Variants in KCNMB2 observed in about 807,000 individuals in gnomAD.
KCNMB2 encodes the protein calcium-activated potassium channel subunit beta-2.
KCNMB2 carries 9 observed loss-of-function variants against 24.5 expected under a neutral mutation model. The observed-to-expected ratio is 0.37, with a 90% CI of 0.22 to 0.64. KCNMB2 has a LOEUF of 0.64. Among genes scored for constraint, KCNMB2 ranks in the 30% least tolerant of loss-of-function variants. The probability of loss-of-function intolerance (pLI) is 0.63; values close to 1 mark genes in which losing one functional copy is unlikely to be tolerated. For missense variants in KCNMB2, 226 were observed against 284.3 expected (o/e 0.79, Z 1.47); for synonymous variants, 109 against 104.4 (o/e 1.04, Z -0.27).
At chr3:178,614,309 ATGTATGTG>A (rs1387249840) in intron 1 of KCNMB2, among the ~76,000 whole-genome samples, 48 of 116,240 alleles carry the variant, frequency 4.1e-4, no homozygotes, top group Middle Eastern at 4.4e-3. Flanking sequence ...ATGTATATAT[ATGTATGTG>A]TATATATATA....
chr3:178,674,604 A>C (rs1230218032), intron 1 of KCNMB2, among the ~76,000 whole-genome samples: 1 of 151,950 alleles, frequency 6.6e-6, no homozygotes, highest in East Asian at 1.9e-4. Flanking sequence ...CAATTATCTC[A>C]GGTCTCCCTG....
At chr3:178,611,623 T>C (rs1718487371) in intron 1 of KCNMB2, among the ~76,000 whole-genome samples, 1 of 152,126 alleles carries the variant, frequency 6.6e-6, no homozygotes, top group Admixed American at 6.5e-5. Flanking sequence ...GAGAATGGTG[T>C]GAACCCAGGA....
chr3:178,673,154 A>C (rs1424591379), intron 1 of KCNMB2, among the ~76,000 whole-genome samples: 1 of 151,972 alleles, frequency 6.6e-6, no homozygotes, highest in Non-Finnish European at 1.5e-5. Flanking sequence ...CTTATACTTC[A>C]TTACAATCAT....
At chr3:178,624,266 CT>C (rs1719025711) in intron 1 of KCNMB2, among the ~76,000 whole-genome samples, 1 of 138,212 alleles carries the variant, frequency 7.2e-6, no homozygotes, top group Admixed American at 7.1e-5. Flanking sequence ...TTTTTTTTGC[CT>C]TTTTCTGGAT....
intron 1 of KCNMB2, among the ~76,000 whole-genome samples, chr3:178,643,744 C>T (rs534060977): frequency 4.6e-4 from 70 of 152,296 alleles, no homozygotes; most frequent in African/African-American, 1.6e-3. Flanking sequence ...CTTAGGGACT[C>T]GCCCTGTTGT....
intron 1 of KCNMB2, among the ~76,000 whole-genome samples, chr3:178,785,458 C>T (rs1344268017): frequency 6.6e-6 from 1 of 151,746 alleles, no homozygotes; most frequent in East Asian, 1.9e-4. Flanking sequence ...GTATTACAAA[C>T]ATAATATTTC....
At chr3:178,707,278 A>G (rs1722309750) in intron 1 of KCNMB2, among the ~76,000 whole-genome samples, 1 of 152,180 alleles carries the variant, frequency 6.6e-6, no homozygotes, top group Non-Finnish European at 1.5e-5. Flanking sequence ...TGTGTAAAGA[A>G]GAGAAAAGTA....
At chr3:178,672,346 G>T (rs1720928823) in intron 1 of KCNMB2, among the ~76,000 whole-genome samples, 1 of 152,144 alleles carries the variant, frequency 6.6e-6, no homozygotes, top group African/African-American at 2.4e-5. Context: ...TTTTCCAGAA[G>T]TATTTAGCTA....
At chr3:178,596,708 C>T (rs767299871) in intron 1 of KCNMB2, among the ~76,000 whole-genome samples, 3 of 152,032 alleles carry the variant, frequency 2.0e-5, no homozygotes, top group Non-Finnish European at 4.4e-5. Flanking sequence ...CGCCCCCAAC[C>T]CAGGAATTGC....
At chr3:178,766,130 C>A in intron 1 of KCNMB2, among the ~76,000 whole-genome samples, 1 of 152,092 alleles carries the variant, frequency 6.6e-6, no homozygotes, top group Middle Eastern at 3.2e-3. Context: ...CTATAGGAAG[C>A]CTTCCCTTAT....
At chr3:178,790,521 G>C (rs1026007473) in intron 1 of KCNMB2, among the ~76,000 whole-genome samples, 3 of 152,190 alleles carry the variant, frequency 2.0e-5, no homozygotes, top group Non-Finnish European at 2.9e-5. Context: ...TCCTGGGCTG[G>C]AGGGGTGATC....
At chr3:178,821,921 A>G (rs1002423188) in intron 2 of KCNMB2, among the ~76,000 whole-genome samples, 1 of 152,098 alleles carries the variant, frequency 6.6e-6, no homozygotes, top group Non-Finnish European at 1.5e-5. Flanking sequence ...TCCTTTGCCA[A>G]CACTACAGTA....
At chr3:178,595,036 C>A (rs1717815643) in intron 1 of KCNMB2, among the ~76,000 whole-genome samples, 1 of 127,898 alleles carries the variant, frequency 7.8e-6, no homozygotes, top group Non-Finnish European at 1.6e-5. Context: ...TATTCCGTGC[C>A]TTAGTGGCAT....
intron 1 of KCNMB2, among the ~76,000 whole-genome samples, chr3:178,593,364 A>G (rs1459111379): frequency 6.6e-6 from 1 of 152,132 alleles, no homozygotes; most frequent in Non-Finnish European, 1.5e-5. Context: ...TTCTACAGGG[A>G]CTAATCAAAT....
At chr3:178,608,986 T>C (rs536317758) in intron 1 of KCNMB2, among the ~76,000 whole-genome samples, 73 of 152,330 alleles carry the variant, frequency 4.8e-4, no homozygotes, top group Middle Eastern at 3.4e-3. Context: ...ACTGATTTCC[T>C]TTCTTTTGGG....
intron 1 of KCNMB2, among the ~76,000 whole-genome samples, chr3:178,759,251 C>G (rs563256071): frequency 3.5e-5 from 4 of 115,280 alleles, no homozygotes; most frequent in African/African-American, 1.0e-4. Context: ...ATATATATAT[C>G]TCTCCAAGAA....
At chr3:178,653,408 T>G (rs1391744520) in intron 1 of KCNMB2, among the ~76,000 whole-genome samples, 1 of 152,118 alleles carries the variant, frequency 6.6e-6, no homozygotes, top group Non-Finnish European at 1.5e-5. Flanking sequence ...TCCCTTCTAA[T>G]TCTTATTCTT....
intron 2 of KCNMB2, among the ~76,000 whole-genome samples, chr3:178,824,178 C>G (rs1714741419): frequency 2.6e-5 from 4 of 152,168 alleles, no homozygotes; most frequent in African/African-American, 9.7e-5. Flanking sequence ...ACCTTCTCCT[C>G]CAGACCTGGT....
At chr3:178,638,367 A>G (rs1481734216) in intron 1 of KCNMB2, among the ~76,000 whole-genome samples, 1 of 152,048 alleles carries the variant, frequency 6.6e-6, no homozygotes, top group Non-Finnish European at 1.5e-5. Context: ...ACTGAACTGC[A>G]TGGTCCTTTC....
Sources: gnomAD v4.1 joint callset for allele counts (sites outside exome capture counted in the v4.1 genomes callset) on GRCh38, gnomAD v4.1.1 for gene constraint, MANE v1.5 for transcripts, NCBI Gene and HGNC (gene_info 2026-07-23, HGNC 2026-07-21) for gene names.